REV3L: variants seen among roughly 807,000 people sequenced by gnomAD.
REV3L encodes the protein DNA polymerase zeta catalytic subunit.
In REV3L, 69 loss-of-function variants were observed where a neutral mutation model predicts 299.4. That is an observed-to-expected ratio of 0.23 (90% CI 0.19 to 0.28). The LOEUF is 0.28. Ranked by LOEUF, REV3L falls within the 10% of genes least tolerant of loss-of-function variation. The probability of loss-of-function intolerance (pLI) is 1.00; values close to 1 mark genes in which losing one functional copy is unlikely to be tolerated. For missense variants in REV3L, 3,128 were observed against 3,693.8 expected (o/e 0.85, Z 3.97); for synonymous variants, 1,238 against 1,271.4 (o/e 0.97, Z 0.56).
chr6:111,317,030 T>C (rs965357192), intron 26 of REV3L, among the ~76,000 whole-genome samples: 1 of 152,194 alleles, frequency 6.6e-6, no homozygotes, highest in Non-Finnish European at 1.5e-5. Flanking sequence ...TTAATAAATA[T>C]TTAAGTAAGA....
At chr6:111,399,836 T>C (rs1042157346) in intron 4 of REV3L, among the ~76,000 whole-genome samples, 2 of 152,172 alleles carry the variant, frequency 1.3e-5, no homozygotes, top group African/African-American at 2.4e-5. Context: ...GATGAATGAA[T>C]AGTCATGTAA....
At chr6:111,338,311 CCTTTTTTTTTTTTTTTT>C (rs1201569695) in intron 21 of REV3L, among the ~76,000 whole-genome samples, 11 of 49,034 alleles carry the variant, frequency 2.2e-4, no homozygotes, top group South Asian at 5.7e-4. Flanking sequence ...AGTCTAAAGT[CCTTTTTTTTTTTTTTTT>C]TTTTTTTTTT....
At chr6:111,377,474 C>T (rs901295587) in intron 12 of REV3L, among the ~76,000 whole-genome samples, 17 of 152,016 alleles carry the variant, frequency 1.1e-4, no homozygotes, top group Admixed American at 2.0e-4. Flanking sequence ...GTAGCTGGGA[C>T]TACAGGCATG....
chr6:111,357,692 CA>C (rs1315621203), intron 17 of REV3L, among the ~76,000 whole-genome samples: 43 of 139,636 alleles, frequency 3.1e-4, no homozygotes, highest in East Asian at 1.0e-3. Context: ...GACTCTGTCT[CA>C]AAAAAAAAAA....
Position 111,383,020 on chromosome 6 carries a change from A to G in REV3L, c.1097-1576T>C, listed in dbSNP as rs964005107. 3.1e-4 allele frequency among the ~76,000 whole-genome samples: 47 copies of G among 152,146 alleles called. 1 individual carries two copies. Among genetic ancestry groups the G allele is most frequent in the Non-Finnish European group, 1.2e-4 (8 of 68,012 alleles). On this transcript the variant is annotated intron_variant, in intron 9 of 31. Transcript: ENST00000368802. Reference sequence around the variant, plus strand: ...CAGAAGGGAACCTGCTGCCTTGAAGAGAAGGACTCAGACCTGGCAGGGTTC... The same window carrying G: ...CAGAAGGGAACCTGCTGCCTTGAAGGGAAGGACTCAGACCTGGCAGGGTTC...
chr6:111,409,664 G>C (rs970541728), intron 3 of REV3L, among the ~76,000 whole-genome samples: 1 of 152,152 alleles, frequency 6.6e-6, no homozygotes, highest in African/African-American at 2.4e-5. Context: ...GTAGAGGATA[G>C]AGAATAGTAA....
chr6:111,416,587 T>C (rs1784788988), intron 1 of REV3L, 115 bp from the exon 2 acceptor site: 2 of 802,902 alleles, frequency 2.5e-6, no homozygotes, highest in Non-Finnish European at 3.9e-6. Flanking sequence ...AAGGGAAGAG[T>C]TGAAAAAAAT....
chr6:111,431,773 G>T, intron 1 of REV3L: 1 of 749,992 alleles, frequency 1.3e-6, no homozygotes, highest in South Asian at 1.4e-5. Flanking sequence ...ATGTGGACCT[G>T]GTGGAAGTTG....
chr6:111,331,875 AAATTC>A, intron 23 of REV3L, 91 bp from the exon 24 acceptor site: 1 of 810,624 alleles, frequency 1.2e-6, no homozygotes, highest in Non-Finnish European at 2.0e-6. Flanking sequence ...ACTCCATTAG[AAATTC>A]ATTTTCAAAC....
intron 1 of REV3L, chr6:111,430,235 C>T (rs1303141277): frequency 6.9e-6 from 6 of 866,550 alleles, no homozygotes; most frequent in Non-Finnish European, 1.2e-5. Context: ...TACCCCACCC[C>T]TTCAAGAAGC....
At chr6:111,307,815 A>G in intron 30 of REV3L, 2 of 461,542 alleles carry the variant, frequency 4.3e-6, no homozygotes, top group Non-Finnish European at 7.7e-6. Context: ...TTATTATTAT[A>G]ATTTAAGTTC....
intron 25 of REV3L, among the ~76,000 whole-genome samples, chr6:111,328,915 A>G (rs1390478092): frequency 6.6e-6 from 1 of 152,056 alleles, no homozygotes; most frequent in Non-Finnish European, 1.5e-5. Context: ...ACAGGCACAT[A>G]ACACTATGCC....
At chr6:111,458,354 T>C (rs181801028) in intron 1 of REV3L, among the ~76,000 whole-genome samples, 2 of 152,100 alleles carry the variant, frequency 1.3e-5, no homozygotes, top group East Asian at 3.9e-4. Flanking sequence ...CTAGAAACAT[T>C]CTCCTTGAGA....
At chr6:111,404,164 C>T (rs1783380438) in intron 4 of REV3L, among the ~76,000 whole-genome samples, 1 of 152,304 alleles carries the variant, frequency 6.6e-6, no homozygotes. Flanking sequence ...AGCCAATGCT[C>T]ATTTGCCATT....
rs553180603 is a variant in REV3L, at chr6:111,365,771, G to A, written c.6674-427C>T. Among the ~76,000 whole-genome samples the A allele has an allele frequency of 6.6e-5, 10 of 152,284 alleles. No individual in the cohort carries two copies. The South Asian group carries it at 1.2e-3, about 19-fold the overall frequency. Reference sequence around the variant, plus strand: ...GGGGAATATAATTGGGAATTTTTATGTAGTCAAGGAGATTAGGGAAGGTTT... The same window carrying A: ...GGGGAATATAATTGGGAATTTTTATATAGTCAAGGAGATTAGGGAAGGTTT... On this transcript the variant is annotated intron_variant, in intron 14 of 31. Coordinates refer to ENST00000368802, the MANE Select transcript of REV3L (RefSeq NM_001372078.1).
At chr6:111,370,495 T>C (rs1404657031) in intron 13 of REV3L, among the ~76,000 whole-genome samples, 2 of 152,170 alleles carry the variant, frequency 1.3e-5, no homozygotes, top group African/African-American at 4.8e-5. Context: ...CTCACCCCTT[T>C]ATTAAAAAAA....
intron 26 of REV3L, among the ~76,000 whole-genome samples, chr6:111,315,910 C>A (rs923567676): frequency 6.6e-6 from 1 of 152,198 alleles, no homozygotes; most frequent in African/African-American, 2.4e-5. Context: ...GAAAAATTGT[C>A]TTCCATGAAA....
chr6:111,372,926 G>A lies in REV3L; in HGVS notation c.5429C>T (p.Ser1810Phe), dbSNP rs771198466. The A allele has an allele frequency of 1.2e-6, 2 of 1,614,074 alleles. No individual in the cohort carries two copies. Among genetic ancestry groups the A allele is most frequent in the East Asian group, 2.2e-5 (1 of 44,878 alleles). ...QGHTRKEMGQSLDSANTSFTA... is the reference protein window; with the variant it reads ...QGHTRKEMGQFLDSANTSFTA... ...AAAAGAGGTATTGGCTGAGTCAAGA[G>A]ACTGTCCCATTTCTTTTCTGGTGTG... Residue 1810 changes from serine (S) to phenylalanine (F), a missense_variant, in exon 13 of 32, where the codon TCT becomes TTT. Physicochemically the swap from Ser to Phe is radical, Grantham distance 155. Coordinates refer to ENST00000368802, the MANE Select transcript of REV3L (RefSeq NM_001372078.1).
chr6:111,331,274 CTT>C (rs1220824182), intron 24 of REV3L, among the ~76,000 whole-genome samples: 1 of 152,014 alleles, frequency 6.6e-6, no homozygotes, highest in African/African-American at 2.4e-5. Context: ...CTAAGATAGT[CTT>C]AATTTAAAAT....
Sources: gnomAD v4.1 joint callset for allele counts (sites outside exome capture counted in the v4.1 genomes callset) on GRCh38, gnomAD v4.1.1 for gene constraint, MANE v1.5 for transcripts, NCBI Gene and HGNC (gene_info 2026-07-23, HGNC 2026-07-21) for gene names.